SLC35F1: variants seen among roughly 807,000 people sequenced by gnomAD.
The protein encoded by SLC35F1 is solute carrier family 35 member F1.
In SLC35F1, 14 loss-of-function variants were observed where a neutral mutation model predicts 48.7. The ratio of observed to expected loss-of-function variants is 0.29; its 90% CI spans 0.19 to 0.45. The LOEUF (loss-of-function observed/expected upper bound fraction) is 0.45, where lower values mean the gene tolerates loss of function less well. Ranked by LOEUF, SLC35F1 falls within the 20% of genes least tolerant of loss-of-function variation. The pLI is 1.00. For synonymous variants in SLC35F1, 190 were observed against 202.2 expected, an observed-to-expected ratio of 0.94 and a Z score of 0.51; for missense variants, 404 against 500.0, an observed-to-expected ratio of 0.81 and a Z score of 1.83.
chr6:118,126,420 C>T (rs1012161329), intron 1 of SLC35F1, among the ~76,000 whole-genome samples: 16 of 152,146 alleles, frequency 1.1e-4, no homozygotes, highest in African/African-American at 3.9e-4. Flanking sequence ...AGCATGATGC[C>T]TCCGGCTTTG....
intron 1 of SLC35F1, among the ~76,000 whole-genome samples, chr6:117,955,034 A>G (rs939210574): frequency 6.6e-6 from 1 of 152,224 alleles, no homozygotes; most frequent in Admixed American, 6.5e-5. Flanking sequence ...TTCCTAGACT[A>G]TTCCAAGTAC....
chr6:118,080,446 T>TA (rs1772889227), intron 1 of SLC35F1, among the ~76,000 whole-genome samples: 1 of 152,178 alleles, frequency 6.6e-6, no homozygotes. Flanking sequence ...ATATGATGAG[T>TA]ATTGTCATGT....
intron 1 of SLC35F1, among the ~76,000 whole-genome samples, chr6:117,964,762 G>T (rs759955756): frequency 6.6e-6 from 1 of 152,182 alleles, no homozygotes. Flanking sequence ...CAGGGATTTG[G>T]TCTAGGACTT....
At chr6:117,986,699 C>T (rs1255022851) in intron 1 of SLC35F1, among the ~76,000 whole-genome samples, 3 of 152,134 alleles carry the variant, frequency 2.0e-5, no homozygotes, top group African/African-American at 7.2e-5. Flanking sequence ...TTAGTCTGTC[C>T]CTCTATGCTG....
At chr6:118,046,351 C>G (rs913906271) in intron 1 of SLC35F1, among the ~76,000 whole-genome samples, 1 of 152,112 alleles carries the variant, frequency 6.6e-6, no homozygotes, top group African/African-American at 2.4e-5. Flanking sequence ...ATTATTGAGG[C>G]TCCTTTACAT....
intron 4 of SLC35F1, among the ~76,000 whole-genome samples, chr6:118,271,922 A>G (rs1338725203): frequency 6.6e-6 from 1 of 152,224 alleles, no homozygotes; most frequent in Non-Finnish European, 1.5e-5. Flanking sequence ...TTATTCTCAC[A>G]GTAACCTAAT....
intron 1 of SLC35F1, among the ~76,000 whole-genome samples, chr6:117,975,650 G>T (rs1776696113): frequency 6.6e-6 from 1 of 152,048 alleles, no homozygotes; most frequent in African/African-American, 2.4e-5. Context: ...ATTTATTTTT[G>T]TAGACGGGAA....
At chr6:118,127,241 T>C (rs1406325635) in intron 1 of SLC35F1, among the ~76,000 whole-genome samples, 1 of 152,074 alleles carries the variant, frequency 6.6e-6, no homozygotes, top group Non-Finnish European at 1.5e-5. Flanking sequence ...GAGATAATCA[T>C]GTGGTTTTTG....
chr6:118,247,744 G>T (rs569484536), intron 3 of SLC35F1, among the ~76,000 whole-genome samples: 1 of 147,806 alleles, frequency 6.8e-6, no homozygotes, highest in South Asian at 2.1e-4. Flanking sequence ...TGGACAAATT[G>T]CCTGGCATAT....
intron 1 of SLC35F1, among the ~76,000 whole-genome samples, chr6:117,953,643 G>A (rs1354030034): frequency 6.6e-6 from 1 of 152,188 alleles, no homozygotes; most frequent in Non-Finnish European, 1.5e-5. Context: ...CTGTGGGTCA[G>A]CCAGGGACCA....
At chr6:118,272,729 A>ATGTGTG (rs61289426) in intron 4 of SLC35F1, among the ~76,000 whole-genome samples, 143 of 138,004 alleles carry the variant, frequency 1.0e-3, no homozygotes, top group African/African-American at 3.8e-3. Flanking sequence ...AAAAATATAT[A>ATGTGTG]TGTGTGTGTA....
At chr6:118,178,310 G>A (rs1774522782) in intron 2 of SLC35F1, among the ~76,000 whole-genome samples, 1 of 151,962 alleles carries the variant, frequency 6.6e-6, no homozygotes, top group Non-Finnish European at 1.5e-5. Flanking sequence ...TGTTTCTAGG[G>A]GCCAACCGCT....
intron 1 of SLC35F1, among the ~76,000 whole-genome samples, chr6:118,111,666 A>G (rs1223632016): frequency 6.6e-6 from 1 of 152,222 alleles, no homozygotes; most frequent in Non-Finnish European, 1.5e-5. Flanking sequence ...AATAGAGACA[A>G]AATCAATGAA....
chr6:118,264,231 C>T (rs1015497543), intron 3 of SLC35F1, among the ~76,000 whole-genome samples: 5 of 152,114 alleles, frequency 3.3e-5, no homozygotes, highest in Admixed American at 6.5e-5. Flanking sequence ...ATCAGTTGTC[C>T]CACCCTAAAT....
intron 1 of SLC35F1, among the ~76,000 whole-genome samples, chr6:118,091,579 C>G (rs9387554): frequency 0.36 from 55,079 of 151,990 alleles, 10,445 homozygotes; most frequent in East Asian, 0.45. Context: ...GATAAATTAC[C>G]CAGTCTTGGG....
At chr6:118,001,719 T>C (rs1250550227) in intron 1 of SLC35F1, among the ~76,000 whole-genome samples, 1 of 151,918 alleles carries the variant, frequency 6.6e-6, no homozygotes, top group Non-Finnish European at 1.5e-5. Context: ...AGGGCTAATA[T>C]CCAGAATGTA....
intron 3 of SLC35F1, among the ~76,000 whole-genome samples, chr6:118,239,978 C>T (rs1775415038): frequency 1.3e-5 from 2 of 152,176 alleles, no homozygotes; most frequent in South Asian, 4.1e-4. Context: ...TGTTTACTCA[C>T]TACAGATTTA....
chr6:117,969,952 T>C (rs2114842175), intron 1 of SLC35F1, among the ~76,000 whole-genome samples: 1 of 152,352 alleles, frequency 6.6e-6, no homozygotes, highest in South Asian at 2.1e-4. Flanking sequence ...AAAGTTGAAC[T>C]AATTGGTATT....
At chr6:117,971,353 C>A (rs1174432762) in intron 1 of SLC35F1, among the ~76,000 whole-genome samples, 1 of 152,220 alleles carries the variant, frequency 6.6e-6, no homozygotes, top group Non-Finnish European at 1.5e-5. Context: ...GTACAGCCCC[C>A]CTCCCAGCTG....
Sources: gnomAD v4.1 joint callset for allele counts (sites outside exome capture counted in the v4.1 genomes callset) on GRCh38, gnomAD v4.1.1 for gene constraint, MANE v1.5 for transcripts, NCBI Gene and HGNC (gene_info 2026-07-23, HGNC 2026-07-21) for gene names.